NAALADL2: variants seen among roughly 807,000 people sequenced by gnomAD.
NAALADL2 encodes N-acetylated alpha-linked acidic dipeptidase like 2.
NAALADL2 carries 76 observed loss-of-function variants against 87.2 expected under a neutral mutation model. That is an observed-to-expected ratio of 0.87 (90% CI 0.72 to 1.05). The LOEUF (loss-of-function observed/expected upper bound fraction) is 1.05. NAALADL2 is among the 50% of genes least tolerant of loss of function. NAALADL2 has a pLI of 0.00. For missense variants in NAALADL2, 1,089 were observed against 945.8 expected (o/e 1.15, Z -1.99); for synonymous variants, 354 against 331.0 (o/e 1.07, Z -0.75).
intron 1 of NAALADL2, among the ~76,000 whole-genome samples, chr3:174,975,725 T>C (rs915876726): frequency 2.6e-5 from 4 of 152,202 alleles, no homozygotes; most frequent in African/African-American, 9.7e-5. Flanking sequence ...AACCATGTTA[T>C]GAGTTGACTC....
At chr3:174,470,377 T>C (rs1379230755) in intron 1 of NAALADL2, among the ~76,000 whole-genome samples, 1 of 152,194 alleles carries the variant, frequency 6.6e-6, no homozygotes, top group Non-Finnish European at 1.5e-5. Flanking sequence ...TTTGTTAATA[T>C]TCCTGAGAGA....
intron 2 of NAALADL2, among the ~76,000 whole-genome samples, chr3:174,555,445 G>A (rs1423725751): frequency 6.6e-6 from 1 of 151,876 alleles, no homozygotes; most frequent in Admixed American, 6.6e-5. Flanking sequence ...GATTACAGGC[G>A]CCCACCACCA....
rs1754518146 is a variant in NAALADL2, at chr3:175,804,372, ACACTT to A, written c.*1172_*1176del. On this transcript the variant is annotated 3_prime_UTR_variant, in exon 14 of 14. Coordinates refer to ENST00000454872, the MANE Select transcript of NAALADL2 (RefSeq NM_207015.3). ...GTTACTGTAAGAGAGTGTCTCGTCTACACTTCAGTTCTTCTCTCATGTGGAAAACT... is the reference window on the plus strand; with the variant it reads ...GTTACTGTAAGAGAGTGTCTCGTCTACAGTTCTTCTCTCATGTGGAAAACT... The A allele has an allele frequency of 6.6e-6, 1 of 151,850 alleles. No individual in the cohort carries two copies. Among genetic ancestry groups the A allele is most frequent in the African/African-American group, 2.4e-5 (1 of 41,414 alleles). The allele number at this position is 151,850 out of a possible 1,614,324, so 9.4% of individuals were successfully genotyped here.
intron 5 of NAALADL2, among the ~76,000 whole-genome samples, chr3:175,336,668 A>C (rs972219904): frequency 6.6e-6 from 1 of 152,214 alleles, no homozygotes; most frequent in Non-Finnish European, 1.5e-5. Context: ...ATTGTTTAAC[A>C]ATTGAAGTTG....
chr3:174,546,105 G>C (rs1221477713), intron 1 of NAALADL2, among the ~76,000 whole-genome samples: 1 of 151,728 alleles, frequency 6.6e-6, no homozygotes, highest in Non-Finnish European at 1.5e-5. Flanking sequence ...TATGCTACCT[G>C]TTAGGTAGGA....
At chr3:175,067,795 T>G (rs1313478464) in intron 1 of NAALADL2, among the ~76,000 whole-genome samples, 2 of 152,078 alleles carry the variant, frequency 1.3e-5, no homozygotes, top group African/African-American at 4.8e-5. Context: ...CACTTGTATG[T>G]TCATCACAGC....
At chr3:175,016,276 T>A (rs775144825) in intron 1 of NAALADL2, among the ~76,000 whole-genome samples, 11 of 147,968 alleles carry the variant, frequency 7.4e-5, no homozygotes, top group Non-Finnish European at 1.5e-4. Context: ...TATATATATA[T>A]AAAAAACAAT....
rs1751150082 is a variant in NAALADL2 at position 175,018,497 on chromosome 3, G to A, written c.44-78293G>A. Among the ~76,000 whole-genome samples the A allele has an allele frequency of 2.6e-5, 4 of 152,154 alleles. No individual in the cohort carries two copies. The South Asian group carries it at 8.3e-4, about 32-fold the overall frequency. ...AACATTCATTTTGTTTTCAGACATAGTAAATATAACAGGCTGCTTGTAAAC... is the reference window on the plus strand; with the variant it reads ...AACATTCATTTTGTTTTCAGACATAATAAATATAACAGGCTGCTTGTAAAC... On this transcript the variant is annotated intron_variant, in intron 1 of 13. Coordinates refer to ENST00000454872, the MANE Select transcript of NAALADL2 (RefSeq NM_207015.3).
intron 1 of NAALADL2, among the ~76,000 whole-genome samples, chr3:174,971,855 G>A (rs377534991): frequency 1.3e-5 from 2 of 152,018 alleles, no homozygotes; most frequent in Non-Finnish European, 2.9e-5. Flanking sequence ...ATGCCACGAC[G>A]CCCAGCTAAT....
chr3:174,918,534 G>A (rs1232541850), intron 1 of NAALADL2, among the ~76,000 whole-genome samples: 2 of 152,132 alleles, frequency 1.3e-5, no homozygotes, highest in Admixed American at 1.3e-4. Flanking sequence ...GATCATCTAG[G>A]TGATTGCGCT....
At chr3:175,055,520 G>A (rs61178189) in intron 1 of NAALADL2, among the ~76,000 whole-genome samples, 30,542 of 152,152 alleles carry the variant, frequency 0.2, 3,776 homozygotes, top group African/African-American at 0.34. Context: ...GTGGCAGGGG[G>A]CAGACATTGT....
chr3:175,618,799 G>A (rs914633936), intron 10 of NAALADL2, among the ~76,000 whole-genome samples: 1 of 152,148 alleles, frequency 6.6e-6, no homozygotes, highest in Non-Finnish European at 1.5e-5. Flanking sequence ...GGCCTAGTAA[G>A]TAGAGATAGT....
At chr3:174,625,057 CTT>C (rs1553802468) in intron 2 of NAALADL2, among the ~76,000 whole-genome samples, 86 of 78,842 alleles carry the variant, frequency 1.1e-3, no homozygotes, top group Admixed American at 2.2e-3. Flanking sequence ...CTCTCTCTCT[CTT>C]TTTTTTTTTT....
At chr3:175,671,823 T>A (rs189313033) in intron 11 of NAALADL2, among the ~76,000 whole-genome samples, 340 of 152,122 alleles carry the variant, frequency 2.2e-3, no homozygotes, top group East Asian at 7.3e-3. Context: ...TTACTATTTT[T>A]AAAAAAAATT....
intron 9 of NAALADL2, among the ~76,000 whole-genome samples, chr3:175,513,134 T>A (rs1241112359): frequency 1.3e-5 from 2 of 152,140 alleles, no homozygotes; most frequent in African/African-American, 4.8e-5. Flanking sequence ...GTGTACACAG[T>A]CACAATTCAC....
chr3:174,728,121 C>G (rs1454631583), intron 2 of NAALADL2, among the ~76,000 whole-genome samples: 1 of 151,946 alleles, frequency 6.6e-6, no homozygotes, highest in Non-Finnish European at 1.5e-5. Context: ...ACATTCACCT[C>G]TAGGACATCT....
chr3:175,200,526 G>A (rs963101935), intron 2 of NAALADL2, among the ~76,000 whole-genome samples: 1 of 152,060 alleles, frequency 6.6e-6, no homozygotes, highest in African/African-American at 2.4e-5. Flanking sequence ...TTTCTAAAAC[G>A]CTCAATGTAA....
intron 1 of NAALADL2, chr3:175,060,020 T>A: frequency 2.4e-6 from 1 of 413,488 alleles, no homozygotes; most frequent in South Asian, 2.0e-5. Flanking sequence ...TTCAGGTCTC[T>A]GAAACCCATG....
intron 1 of NAALADL2, among the ~76,000 whole-genome samples, chr3:174,903,960 T>C (rs969163915): frequency 6.8e-6 from 1 of 147,626 alleles, no homozygotes; most frequent in African/African-American, 2.6e-5. Context: ...GGAATATCTA[T>C]ATCTATATCT....
Sources: allele counts gnomAD v4.1 joint callset (sites outside exome capture counted in the v4.1 genomes callset), GRCh38; gene constraint gnomAD v4.1.1; transcripts MANE v1.5; gene names NCBI Gene and HGNC (gene_info 2026-07-23, HGNC 2026-07-21).